The following SLIT3 variants were observed in gnomAD, a reference collection of about 807,000 sequenced individuals.
SLIT3 encodes the protein slit homolog 3 protein.
Under a neutral mutation model 184.0 loss-of-function variants are expected in SLIT3, and 68 were observed. That is an observed-to-expected ratio of 0.37 (90% CI 0.30 to 0.45). SLIT3 has a LOEUF of 0.45. SLIT3 is among the 20% of genes least tolerant of loss of function. SLIT3 has a pLI of 1.00. For synonymous variants in SLIT3, 831 were observed against 828.6 expected (o/e 1.00, Z -0.05); for missense variants, 1,707 against 2,026.0 (o/e 0.84, Z 3.02).
rs889058717 is a variant in SLIT3, at chr5:169,006,033, T to C, written c.414-122697A>G. Among the ~76,000 whole-genome samples the C allele has an allele frequency of 5.3e-5, 8 of 152,216 alleles. No individual in the cohort carries two copies. The South Asian group carries it at 1.7e-3, about 32-fold the overall frequency. The stretch of plus-strand genomic sequence containing the variant: ...TGCCAGGCACTGTGCTAGGCCCTTG[T>C]CCTTGTGGTGGACAAGGCAGGCCCA... On this transcript the variant is annotated intron_variant, in intron 4 of 35. Coordinates refer to ENST00000519560, the MANE Select transcript of SLIT3 (RefSeq NM_003062.4).
intron 6 of SLIT3, among the ~76,000 whole-genome samples, chr5:168,825,471 T>A: frequency 6.6e-6 from 1 of 151,588 alleles, no homozygotes. Flanking sequence ...CCCTCCCATA[T>A]TTACTGTGCA....
chr5:169,172,010 C>T (rs969395517), intron 4 of SLIT3, among the ~76,000 whole-genome samples: 1 of 152,162 alleles, frequency 6.6e-6, no homozygotes, highest in Non-Finnish European at 1.5e-5. Context: ...GGGGAAATGC[C>T]ACCTTTCTTC....
At chr5:168,753,808 C>A in intron 17 of SLIT3, 56 bp downstream of exon 17, 2 of 1,579,308 alleles carry the variant, frequency 1.3e-6, no homozygotes, top group Non-Finnish European at 1.7e-6. Flanking sequence ...TCTCTAATTC[C>A]CCTGCCCTCC....
At position 168,797,293 on chromosome 5, in the gene SLIT3, T is replaced by C. The variant is rs367921661; in HGVS notation, c.936-1715A>G. On this transcript the variant is annotated intron_variant, in intron 9 of 35. Coordinates refer to ENST00000519560, the MANE Select transcript of SLIT3 (RefSeq NM_003062.4). ...TTTCTTAGCCAAGGCAGCAGCTCCA[T>C]GGATCTCTGGGGCTGCCAGTCAGGT... Among the ~76,000 whole-genome samples the C allele has an allele frequency of 5.9e-5, 9 of 152,198 alleles. No individual in the cohort carries two copies. In the East Asian group the frequency reaches 1.2e-3, roughly 20 times the overall value.
chr5:169,291,655 C>T (rs1471660240), intron 1 of SLIT3, among the ~76,000 whole-genome samples: 2 of 152,210 alleles, frequency 1.3e-5, no homozygotes, highest in African/African-American at 4.8e-5. Flanking sequence ...CTTCTTGATG[C>T]TTTGCCTCGA....
At chr5:168,768,045 G>C (rs981323288) in intron 14 of SLIT3, 12 of 362,554 alleles carry the variant, frequency 3.3e-5, no homozygotes, top group Non-Finnish European at 6.1e-5. Flanking sequence ...TGCCTTTGGT[G>C]AGTTGAGACT....
At chr5:169,278,539 G>A (rs1166772512) in intron 1 of SLIT3, among the ~76,000 whole-genome samples, 1 of 152,130 alleles carries the variant, frequency 6.6e-6, no homozygotes, top group African/African-American at 2.4e-5. Flanking sequence ...ACACTGTGAG[G>A]TCTCAGTAAA....
intron 5 of SLIT3, 126 bp from the exon 6 acceptor site, chr5:168,844,781 G>T (rs1156481362): frequency 2.7e-6 from 2 of 739,162 alleles, no homozygotes; most frequent in African/African-American, 1.7e-5. Flanking sequence ...CCAGGAGCTC[G>T]TGCAGAGCCA....
chr5:168,970,797 C>T (rs1379658042), intron 4 of SLIT3, among the ~76,000 whole-genome samples: 1 of 152,172 alleles, frequency 6.6e-6, no homozygotes, highest in East Asian at 1.9e-4. Flanking sequence ...CACTTCCTGG[C>T]TATGTTACCT....
At chr5:169,255,073 G>A (rs1181905928) in intron 1 of SLIT3, among the ~76,000 whole-genome samples, 1 of 152,180 alleles carries the variant, frequency 6.6e-6, no homozygotes, top group Non-Finnish European at 1.5e-5. Context: ...ACATGTTTAT[G>A]TGACGCTGGT....
At chr5:168,801,410 C>CTG (rs1756762033) in intron 9 of SLIT3, among the ~76,000 whole-genome samples, 1 of 152,168 alleles carries the variant, frequency 6.6e-6, no homozygotes, top group Non-Finnish European at 1.5e-5. Flanking sequence ...CAGAGAGACA[C>CTG]TGTGGTTAAG....
chr5:169,066,399 G>A (rs1758349029), intron 4 of SLIT3, among the ~76,000 whole-genome samples: 1 of 152,186 alleles, frequency 6.6e-6, no homozygotes, highest in African/African-American at 2.4e-5. Flanking sequence ...GAGGCAATCT[G>A]CAAAATAAGA....
chr5:169,062,763 G>C (rs1472353386), intron 4 of SLIT3, among the ~76,000 whole-genome samples: 1 of 152,162 alleles, frequency 6.6e-6, no homozygotes. Flanking sequence ...GAGTCCCCCT[G>C]GCTCAGAGTT....
intron 11 of SLIT3, 46 bp from the exon 12 acceptor site, chr5:168,786,024 C>T (rs568683562): frequency 7.5e-6 from 10 of 1,336,526 alleles, no homozygotes; most frequent in Middle Eastern, 1.8e-4. Flanking sequence ...GATGTGAGGC[C>T]ACCAGAACCC....
intron 12 of SLIT3, among the ~76,000 whole-genome samples, chr5:168,774,685 C>T (rs1755682436): frequency 6.6e-6 from 1 of 152,116 alleles, no homozygotes; most frequent in Non-Finnish European, 1.5e-5. Flanking sequence ...GCTTCACTTT[C>T]TGTTTTAGGA....
chr5:169,039,832 A>G (rs925791967), intron 4 of SLIT3, among the ~76,000 whole-genome samples: 1 of 152,186 alleles, frequency 6.6e-6, no homozygotes, highest in Non-Finnish European at 1.5e-5. Flanking sequence ...TCAAACAGGG[A>G]TTGTTCTGTT....
intron 16 of SLIT3, among the ~76,000 whole-genome samples, chr5:168,758,757 C>T (rs559115745): frequency 7.2e-5 from 11 of 152,262 alleles, no homozygotes; most frequent in South Asian, 6.2e-4. Flanking sequence ...GCCTAGAAGG[C>T]CTCTGTCATA....
intron 4 of SLIT3, among the ~76,000 whole-genome samples, chr5:168,893,269 T>C (rs1436241792): frequency 6.6e-6 from 1 of 152,180 alleles, no homozygotes; most frequent in African/African-American, 2.4e-5. Context: ...TTATCTCTTA[T>C]TGTTTGAAGC....
At chr5:169,233,314 C>T (rs760837525) in intron 3 of SLIT3, among the ~76,000 whole-genome samples, 25 of 152,230 alleles carry the variant, frequency 1.6e-4, no homozygotes, top group Middle Eastern at 3.4e-3. Flanking sequence ...TGAGCCACCG[C>T]GCCCGGTCGG....
Sources: allele counts gnomAD v4.1 joint callset (sites outside exome capture counted in the v4.1 genomes callset), GRCh38; gene constraint gnomAD v4.1.1; transcripts MANE v1.5; gene names NCBI Gene and HGNC (gene_info 2026-07-23, HGNC 2026-07-21).